HSD17B12: variants seen among roughly 807,000 people sequenced by gnomAD.
HSD17B12 encodes the protein very-long-chain 3-oxoacyl-CoA reductase.
HSD17B12 carries 32 observed loss-of-function variants against 39.3 expected under a neutral mutation model. The observed-to-expected ratio is 0.81, with a 90% CI of 0.61 to 1.09. The LOEUF (loss-of-function observed/expected upper bound fraction) is 1.09, where lower values mean the gene tolerates loss of function less well. Ranked by LOEUF, HSD17B12 falls within the 50% of genes least tolerant of loss-of-function variation. The probability of loss-of-function intolerance (pLI) is 0.00; values close to 1 mark genes in which losing one functional copy is unlikely to be tolerated. For synonymous variants in HSD17B12, 150 were observed against 146.7 expected (o/e 1.02, Z -0.16); for missense variants, 342 against 382.9 (o/e 0.89, Z 0.89).
Position 43,757,716 on chromosome 11 carries a change from C to CAA in HSD17B12, c.283+3602_283+3603dup, listed in dbSNP as rs141525576. Among the ~76,000 whole-genome samples the CAA allele has an allele frequency of 9.2e-3, 1,195 of 129,994 alleles. 29 individuals are homozygous for CAA. Among genetic ancestry groups the CAA allele is most frequent in the African/African-American group, 0.032 (1,134 of 35,934 alleles). The allele number at this position is 129,994 out of a possible 152,430, so 85.3% of individuals were successfully genotyped here. A position where few individuals can be genotyped will look rare whatever the true frequency, so the allele number is the denominator to read the frequency against. ...TAAACCAAACCAAAAAAAGCACACA[C>CAA]AAAAAAAACAGACAAATAAATAATT... On this transcript the variant is annotated intron_variant, in intron 3 of 10. Transcript: ENST00000278353.
At chr11:43,717,804 C>CT (rs34501307) in intron 1 of HSD17B12, among the ~76,000 whole-genome samples, 22,999 of 130,140 alleles carry the variant, frequency 0.18, 2,475 homozygotes, top group Non-Finnish European at 0.24. Flanking sequence ...TCTTCTTCTT[C>CT]TTTTTTTTTT....
At chr11:43,691,071 G>C (rs1232729132) in intron 1 of HSD17B12, among the ~76,000 whole-genome samples, 1 of 152,124 alleles carries the variant, frequency 6.6e-6, no homozygotes, top group Non-Finnish European at 1.5e-5. Flanking sequence ...CTAAAATTTA[G>C]CTTTTCTACT....
chr11:43,632,931 C>T, the HSD17B12 span, among the ~76,000 whole-genome samples: 1 of 151,742 alleles, frequency 6.6e-6, no homozygotes, highest in African/African-American at 2.4e-5. Context: ...ATTATAGTTC[C>T]TTTATTTAAA....
chr11:43,622,784 T>A, the HSD17B12 span, among the ~76,000 whole-genome samples: 1 of 152,004 alleles, frequency 6.6e-6, no homozygotes, highest in Non-Finnish European at 1.5e-5. Flanking sequence ...AATCAACATG[T>A]GAGAAATGAA....
At chr11:43,657,452 A>AGC in the HSD17B12 span, among the ~76,000 whole-genome samples, 15 of 152,288 alleles carry the variant, frequency 9.8e-5, no homozygotes, top group Admixed American at 2.6e-4. Flanking sequence ...CTATGATGTT[A>AGC]GCTGGTTATT....
the HSD17B12 span, among the ~76,000 whole-genome samples, chr11:43,601,281 T>C: frequency 6.6e-5 from 10 of 152,036 alleles, no homozygotes; most frequent in African/African-American, 2.4e-4. Context: ...GAATATTTTA[T>C]AGGGTGGTTG....
chr11:43,745,664 A>C (rs1000653052), intron 1 of HSD17B12, among the ~76,000 whole-genome samples: 1 of 152,214 alleles, frequency 6.6e-6, no homozygotes, highest in African/African-American at 2.4e-5. Context: ...TACTATAGGC[A>C]GTTGTAACAC....
At chr11:43,633,267 C>T in the HSD17B12 span, among the ~76,000 whole-genome samples, 1 of 152,214 alleles carries the variant, frequency 6.6e-6, no homozygotes, top group Non-Finnish European at 1.5e-5. Flanking sequence ...CACGTTGGCT[C>T]CCGCCTGTAA....
chr11:43,584,368 A>G, the HSD17B12 span, among the ~76,000 whole-genome samples: 1 of 152,176 alleles, frequency 6.6e-6, no homozygotes, highest in African/African-American at 2.4e-5. Flanking sequence ...CTTTGTGGGC[A>G]TCTCTGGAAA....
the HSD17B12 span, among the ~76,000 whole-genome samples, chr11:43,670,630 C>T: frequency 2.6e-5 from 4 of 152,262 alleles, no homozygotes; most frequent in South Asian, 8.3e-4. Context: ...GTAGTTCATG[C>T]CTGTAATCCC....
intron 7 of HSD17B12, among the ~76,000 whole-genome samples, chr11:43,837,131 C>T (rs1363353426): frequency 6.6e-6 from 1 of 152,152 alleles, no homozygotes; most frequent in Non-Finnish European, 1.5e-5. Flanking sequence ...AGTGGCATCT[C>T]ACCTAGAGGC....
the HSD17B12 span, among the ~76,000 whole-genome samples, chr11:43,638,439 G>C: frequency 7.9e-6 from 1 of 125,806 alleles, no homozygotes; most frequent in Non-Finnish European, 1.6e-5. Flanking sequence ...AAGAGGAAGG[G>C]AAAGAGGCAG....
chr11:43,709,687 C>T (rs1950047440), intron 1 of HSD17B12, among the ~76,000 whole-genome samples: 1 of 151,940 alleles, frequency 6.6e-6, no homozygotes, highest in African/African-American at 2.4e-5. Flanking sequence ...GAAAGAAAAC[C>T]TTAAATTAAG....
chr11:43,798,553 GAAT>G, intron 4 of HSD17B12, 126 bp downstream of exon 4: 2 of 590,272 alleles, frequency 3.4e-6, no homozygotes, highest in Non-Finnish European at 6.0e-6. Context: ...CATTATCAGT[GAAT>G]AATATCACTA....
chr11:43,638,837 C>T, the HSD17B12 span, among the ~76,000 whole-genome samples: 1 of 151,326 alleles, frequency 6.6e-6, no homozygotes, highest in Non-Finnish European at 1.5e-5. Flanking sequence ...GGACTGAAGT[C>T]CTCTTTCAGA....
intron 3 of HSD17B12, 29 bp downstream of exon 3, chr11:43,754,150 A>T: frequency 7.1e-7 from 1 of 1,417,784 alleles, no homozygotes; most frequent in Non-Finnish European, 9.9e-7. Flanking sequence ...CAAAAGGAAT[A>T]CATAGCTAAT....
In HSD17B12 at chr11:43,732,608, C is replaced by T. The variant is rs149641815; in HGVS notation, c.161-18303C>T. 4.6e-5 allele frequency among the ~76,000 whole-genome samples: 7 copies of T among 152,112 alleles called. No homozygotes were observed. The East Asian group carries it at 1.4e-3, about 29-fold the overall frequency. On this transcript the variant is annotated intron_variant, in intron 1 of 10. Transcript: ENST00000278353. ...CCTCTCGAGTAGCTGGGACTACAGG[C>T]AGGTGCCAGCATGCTTGGCTAACCT...
At chr11:43,670,191 G>A in the HSD17B12 span, 2 of 152,338 alleles carry the variant, frequency 1.3e-5, no homozygotes, top group South Asian at 2.1e-4. Flanking sequence ...TGCCATTGGA[G>A]AGGGGCAAAG....
chr11:43,640,893 A>T, the HSD17B12 span: 3 of 151,636 alleles, frequency 2.0e-5, no homozygotes, highest in East Asian at 1.9e-4. Context: ...GTCCATCATG[A>T]TTTTTTACAG....
Sources: gnomAD v4.1 joint callset for allele counts (sites outside exome capture counted in the v4.1 genomes callset) on GRCh38, gnomAD v4.1.1 for gene constraint, MANE v1.5 for transcripts, NCBI Gene and HGNC (gene_info 2026-07-23, HGNC 2026-07-21) for gene names.